FER1L6: variants seen among roughly 807,000 people sequenced by gnomAD.
The protein encoded by FER1L6 is fer-1 like family member 6, also known as fer-1-like protein 6.
A neutral mutation model predicts 219.2 loss-of-function variants in FER1L6; 177 were observed. That is an observed-to-expected ratio of 0.81 (90% CI 0.71 to 0.91). The LOEUF is 0.91. Among genes scored for constraint, FER1L6 ranks in the 40% least tolerant of loss-of-function variants. The pLI, the probability that FER1L6 is intolerant of heterozygous loss-of-function variation, is 0.00. For synonymous variants in FER1L6, 768 were observed against 824.3 expected, an observed-to-expected ratio of 0.93 and a Z score of 1.17; for missense variants, 2,153 against 2,259.9, an observed-to-expected ratio of 0.95 and a Z score of 0.96.
intron 5 of FER1L6, among the ~76,000 whole-genome samples, chr8:123,966,779 T>C (rs2130223588): frequency 6.6e-6 from 1 of 152,348 alleles, no homozygotes; most frequent in Non-Finnish European, 1.5e-5. Context: ...TGCTAAATTC[T>C]CTTTTTAAAA....
chr8:124,056,312 G>A lies in FER1L6; in HGVS notation c.2875-3868G>A, dbSNP rs1820294577. On this transcript the variant is annotated intron_variant, in intron 22 of 40. Transcript: ENST00000522917. ...GGGCCACTGCTATTTGGTCTATGTGGCTGGCCTCCCCTACGGTTGTGCACT... is the reference window on the plus strand; with the variant it reads ...GGGCCACTGCTATTTGGTCTATGTGACTGGCCTCCCCTACGGTTGTGCACT... 2.0e-5 allele frequency among the ~76,000 whole-genome samples: 3 copies of A among 152,204 alleles called. No homozygotes were observed. In the South Asian group the frequency reaches 6.2e-4, roughly 32 times the overall value.
intron 20 of FER1L6, among the ~76,000 whole-genome samples, chr8:124,040,952 A>G (rs144003194): frequency 6.6e-6 from 1 of 152,368 alleles, no homozygotes; most frequent in Non-Finnish European, 1.5e-5. Flanking sequence ...TGCAAATCAT[A>G]GTATGGGTCT....
At chr8:124,012,949 G>A (rs185845155) in intron 14 of FER1L6, among the ~76,000 whole-genome samples, 183 of 152,306 alleles carry the variant, frequency 1.2e-3, no homozygotes, top group African/African-American at 4.3e-3. Flanking sequence ...TATACAATCT[G>A]TCCCATTATC....
intron 18 of FER1L6, among the ~76,000 whole-genome samples, chr8:124,026,634 TACAA>T (rs563287840): frequency 5.9e-4 from 90 of 152,328 alleles, no homozygotes; most frequent in African/African-American, 2.1e-3. Flanking sequence ...AACTATTTGA[TACAA>T]ACATGGCAGC....
chr8:124,071,626 G>A lies in FER1L6; in HGVS notation c.4087G>A (p.Val1363Ile). ...CACAGTGCTGATCAGAGTATACATT[G>A]TCGCGGTGAGCCATTCTTGTTTGCT... The part of the protein sequence containing the change: ...PVTVLIRVYI[V>I]AAFNLSPADP... Residue 1363 changes from valine (V) to isoleucine (I), a missense_variant, in exon 31 of 41, where the codon GTC (valine) becomes ATC (isoleucine). Physicochemically the swap from Val to Ile is conservative, Grantham distance 29. Transcript: ENST00000522917. 1 of 1,612,654 alleles carries A rather than the reference G, an allele frequency of 6.2e-7. No individual in the cohort carries two copies. Among genetic ancestry groups the A allele is most frequent in the Non-Finnish European group, 8.5e-7 (1 of 1,178,886 alleles).
intron 39 of FER1L6, among the ~76,000 whole-genome samples, chr8:124,104,411 G>A (rs1333935837): frequency 6.6e-6 from 1 of 152,226 alleles, no homozygotes; most frequent in Non-Finnish European, 1.5e-5. Flanking sequence ...TAACCAAGGT[G>A]TGAAATGCAG....
At chr8:124,018,437 G>C (rs6470208) in intron 16 of FER1L6, among the ~76,000 whole-genome samples, 3,645 of 152,194 alleles carry the variant, frequency 0.024, 141 homozygotes, top group African/African-American at 0.082. Flanking sequence ...CTAAAACCCA[G>C]GTCTCCTAAC....
At chr8:124,019,509 C>G (rs1483163974) in intron 16 of FER1L6, among the ~76,000 whole-genome samples, 1 of 152,222 alleles carries the variant, frequency 6.6e-6, no homozygotes, top group East Asian at 1.9e-4. Flanking sequence ...CAGACCTGGG[C>G]TCCAAGCATA....
In FER1L6 at chr8:124,101,316, G is replaced by C. The variant is rs1316269803; in HGVS notation, c.5103G>C (p.Arg1701Ser). The C allele has an allele frequency of 6.2e-7, 1 of 1,613,712 alleles. No individual in the cohort carries two copies. Residue 1701 changes from arginine (R) to serine (S), a missense_variant, in exon 38 of 41, where the codon AGG (arginine) becomes AGC (serine). Coordinates refer to ENST00000522917, the MANE Select transcript of FER1L6 (RefSeq NM_001039112.2). ...TGCTGCAGGTTTGGGATTTTGAAAG[G>C]CTGTCCTCAGATGACTTCCTGGGTA... Reference protein sequence around the residue: ...VLVLQVWDFERLSSDDFLGTL... With the variant: ...VLVLQVWDFESLSSDDFLGTL...
At chr8:124,083,780 TAAGATTGTTTTTTCTATTTCTATG>T (rs1290146280) in intron 33 of FER1L6, among the ~76,000 whole-genome samples, 9 of 152,130 alleles carry the variant, frequency 5.9e-5, no homozygotes, top group Admixed American at 1.3e-4. Context: ...CACGTAAATG[TAAGATTGTTTTTTCTATTTCTATG>T]AAGAATGTCA....
intron 40 of FER1L6, among the ~76,000 whole-genome samples, chr8:124,119,210 G>C (rs1200617212): frequency 6.6e-6 from 1 of 152,190 alleles, no homozygotes; most frequent in African/African-American, 2.4e-5. Context: ...GAGCGTAGAA[G>C]ACTCCGTAGT....
chr8:123,886,458 C>T (rs1463365295), intron 1 of FER1L6, among the ~76,000 whole-genome samples: 1 of 152,200 alleles, frequency 6.6e-6, no homozygotes, highest in African/African-American at 2.4e-5. Context: ...ATCAGGTTCC[C>T]CTTTGACCTA....
chr8:123,926,360 C>G (rs966068756), intron 1 of FER1L6, among the ~76,000 whole-genome samples: 33 of 152,154 alleles, frequency 2.2e-4, no homozygotes, highest in African/African-American at 7.7e-4. Flanking sequence ...GTCCACGTGG[C>G]CTGGAAGTAG....
At chr8:123,854,962 A>G (rs1434604181) in intron 1 of FER1L6, among the ~76,000 whole-genome samples, 1 of 152,220 alleles carries the variant, frequency 6.6e-6, no homozygotes. Flanking sequence ...AGCATTCGGT[A>G]CATTCACAAT....
intron 12 of FER1L6, among the ~76,000 whole-genome samples, chr8:123,988,161 T>C (rs1235270447): frequency 6.6e-6 from 1 of 152,162 alleles, no homozygotes; most frequent in Admixed American, 6.5e-5. Context: ...ATTTCTGGGT[T>C]CTCTATTCTG....
At chr8:123,953,493 G>A (rs1014148418) in intron 1 of FER1L6, among the ~76,000 whole-genome samples, 1 of 152,152 alleles carries the variant, frequency 6.6e-6, no homozygotes, top group Non-Finnish European at 1.5e-5. Flanking sequence ...GGCTTCAGAA[G>A]GGCAGGGGTG....
intron 1 of FER1L6, among the ~76,000 whole-genome samples, chr8:123,892,836 T>G (rs1277592864): frequency 6.6e-6 from 1 of 152,192 alleles, no homozygotes; most frequent in African/African-American, 2.4e-5. Context: ...AACTTTTGTT[T>G]GGATATTAGT....
At chr8:124,106,655 G>A (rs1418839070) in intron 39 of FER1L6, among the ~76,000 whole-genome samples, 1 of 152,030 alleles carries the variant, frequency 6.6e-6, no homozygotes, top group East Asian at 1.9e-4. Flanking sequence ...ATTATTTTTA[G>A]CAGTTGCCCC....
intron 16 of FER1L6, among the ~76,000 whole-genome samples, chr8:124,019,669 A>G (rs868108563): frequency 6.6e-6 from 1 of 152,192 alleles, no homozygotes; most frequent in Admixed American, 6.5e-5. Context: ...TTTAACACCT[A>G]TGTGCCAGGA....
Sources: allele counts gnomAD v4.1 joint callset (sites outside exome capture counted in the v4.1 genomes callset), GRCh38; gene constraint gnomAD v4.1.1; transcripts MANE v1.5; gene names NCBI Gene and HGNC (gene_info 2026-07-23, HGNC 2026-07-21).